Variants in PDS5B observed in about 807,000 individuals in gnomAD.
PDS5B encodes sister chromatid cohesion protein PDS5 homolog B.
Under a neutral mutation model 184.1 loss-of-function variants are expected in PDS5B, and 51 were observed. The ratio of observed to expected loss-of-function variants is 0.28; its 90% CI spans 0.22 to 0.35. PDS5B has a LOEUF of 0.35. PDS5B is among the 10% of genes least tolerant of loss of function. The pLI, the probability that PDS5B is intolerant of heterozygous loss-of-function variation, is 1.00. For synonymous variants in PDS5B, 566 were observed against 569.2 expected (o/e 0.99, Z 0.08); for missense variants, 1,180 against 1,723.3 (o/e 0.68, Z 5.58).
chr13:32,705,139 T>G (rs539011596), intron 17 of PDS5B, among the ~76,000 whole-genome samples: 3 of 152,324 alleles, frequency 2.0e-5, no homozygotes, highest in Admixed American at 2.0e-4. Context: ...TTTTTTGTAG[T>G]CCATCTTGTT....
chr13:32,719,728 A>G (rs972489120), intron 19 of PDS5B, among the ~76,000 whole-genome samples: 2 of 152,154 alleles, frequency 1.3e-5, no homozygotes, highest in Non-Finnish European at 2.9e-5. Flanking sequence ...TATGCTGGAA[A>G]ACTATTTTCA....
chr13:32,641,216 A>T (rs1025297021), intron 1 of PDS5B, among the ~76,000 whole-genome samples: 5 of 152,158 alleles, frequency 3.3e-5, no homozygotes, highest in Admixed American at 6.5e-5. Flanking sequence ...TTCCCCAAAG[A>T]TGAAAGGAAC....
At chr13:32,773,491 C>T (rs551297090) in intron 34 of PDS5B, among the ~76,000 whole-genome samples, 167 bp downstream of exon 34, 5 of 152,124 alleles carry the variant, frequency 3.3e-5, no homozygotes, top group Admixed American at 2.0e-4. Context: ...TATGGAAACC[C>T]GAAACTAAGC....
intron 11 of PDS5B, among the ~76,000 whole-genome samples, chr13:32,684,891 A>G (rs1243523601): frequency 1.3e-5 from 2 of 152,198 alleles, no homozygotes; most frequent in African/African-American, 4.8e-5. Flanking sequence ...AGACGGGTAG[A>G]TCATGAGGTC....
chr13:32,737,854 T>C (rs902421959), intron 21 of PDS5B, among the ~76,000 whole-genome samples: 8 of 152,214 alleles, frequency 5.3e-5, no homozygotes, highest in African/African-American at 1.9e-4. Context: ...CAATCCTTTC[T>C]ACTTCCTCCT....
intron 19 of PDS5B, 91 bp downstream of exon 19, chr13:32,710,197 G>A (rs537484134): frequency 3.9e-5 from 35 of 888,972 alleles, no homozygotes; most frequent in Non-Finnish European, 5.1e-5. Flanking sequence ...TTCAAGTTTT[G>A]AGGAAAAACT....
chr13:32,587,039 G>C (rs1257699010), intron 1 of PDS5B, among the ~76,000 whole-genome samples: 4 of 144,972 alleles, frequency 2.8e-5, no homozygotes, highest in African/African-American at 9.9e-5. Flanking sequence ...CGCCCCGGCC[G>C]GCCGGCGGCT....
Position 32,755,918 on chromosome 13 carries a change from C to T in PDS5B, c.3018C>T (p.Val1006=), listed in dbSNP as rs960396708. Residue 1006 remains valine, a synonymous_variant, in exon 26 of 35, where the codon GTC becomes GTT. Transcript: ENST00000315596. ...TTTTGGCACATGACCCAGATTATGT[C>T]AAAGTACAGGATATTGAACAACTTA... ...IHLLAHDPDY[V]KVQDIEQLKD... The T allele has an allele frequency of 4.4e-6, 7 of 1,579,172 alleles. No individual in the cohort carries two copies. Among genetic ancestry groups the T allele is most frequent in the Non-Finnish European group, 6.1e-6 (7 of 1,152,796 alleles).
chr13:32,679,500 A>T (rs1951170910), intron 10 of PDS5B, among the ~76,000 whole-genome samples: 1 of 152,032 alleles, frequency 6.6e-6, no homozygotes, highest in African/African-American at 2.4e-5. Context: ...GCTGGGTGTG[A>T]TGGCATGCGC....
intron 1 of PDS5B, among the ~76,000 whole-genome samples, chr13:32,634,583 C>CT (rs34358183): frequency 0.36 from 49,362 of 138,432 alleles, 9,264 homozygotes; most frequent in Non-Finnish European, 0.43. Flanking sequence ...TTACATTTAA[C>CT]TTTTTTTTTT....
intron 1 of PDS5B, among the ~76,000 whole-genome samples, chr13:32,638,622 A>T (rs184674050): frequency 3.3e-5 from 5 of 149,464 alleles, no homozygotes; most frequent in African/African-American, 1.2e-4. Context: ...AATGCCTTCC[A>T]TCCATCCAAT....
chr13:32,746,460 C>T (rs1038733822), intron 24 of PDS5B, among the ~76,000 whole-genome samples: 1 of 152,150 alleles, frequency 6.6e-6, no homozygotes, highest in African/African-American at 2.4e-5. Flanking sequence ...ATGTATGTTT[C>T]TGTTTAAAGA....
intron 3 of PDS5B, among the ~76,000 whole-genome samples, chr13:32,656,319 G>T: frequency 7.1e-6 from 1 of 140,168 alleles, no homozygotes. Context: ...GCTGTTTGGG[G>T]TCCCTTTTGA....
intron 1 of PDS5B, among the ~76,000 whole-genome samples, chr13:32,612,449 G>A (rs1000354626): frequency 4.6e-5 from 7 of 151,994 alleles, no homozygotes; most frequent in Admixed American, 2.0e-4. Flanking sequence ...TGAACAGCTC[G>A]GTGGTTTAGT....
Position 32,665,588 on chromosome 13 carries a change from C to CAAAAAAAAAAA in PDS5B, c.625-2160_625-2150dup, listed in dbSNP as rs34604938. ...TGGGCGACAGAGCGAGACTCCGACT[C>CAAAAAAAAAAA]AAAAAAAAAAAAAAAAAAAAAAAAA... On this transcript the variant is annotated intron_variant, in intron 6 of 34. Coordinates refer to ENST00000315596, the MANE Select transcript of PDS5B (RefSeq NM_015032.4). 1.5e-3 allele frequency among the ~76,000 whole-genome samples: 40 copies of CAAAAAAAAAAA among 25,880 alleles called. 2 individuals carry two copies. The highest frequency in any genetic ancestry group is 3.3e-3 in the Admixed American group (5 of 1,528). The allele number at this position is 25,880 out of a possible 152,430, so 17.0% of individuals were successfully genotyped here. A position where few individuals can be genotyped will look rare whatever the true frequency, so the allele number is the denominator to read the frequency against.
chr13:32,727,988 TTC>T (rs1274271736), intron 19 of PDS5B, among the ~76,000 whole-genome samples: 2 of 151,990 alleles, frequency 1.3e-5, no homozygotes, highest in African/African-American at 2.4e-5. Flanking sequence ...TTGCCCTTTT[TTC>T]TCTCTCATTT....
intron 2 of PDS5B, chr13:32,650,331 T>C (rs1232102102): frequency 1.3e-5 from 2 of 152,230 alleles, no homozygotes; most frequent in Non-Finnish European, 2.9e-5. Flanking sequence ...TTTTTTCTCA[T>C]TTATTTTCCT....
chr13:32,671,700 C>T (rs1300588897), intron 7 of PDS5B, among the ~76,000 whole-genome samples: 1 of 152,112 alleles, frequency 6.6e-6, no homozygotes, highest in Non-Finnish European at 1.5e-5. Context: ...CACATAAAAA[C>T]AACCCAAGAA....
At chr13:32,712,972 A>G (rs1225570749) in intron 19 of PDS5B, among the ~76,000 whole-genome samples, 2 of 152,198 alleles carry the variant, frequency 1.3e-5, no homozygotes, top group Admixed American at 6.5e-5. Context: ...GATGAGTTAT[A>G]TGAGTTCCAT....
Sources: allele counts gnomAD v4.1 joint callset (sites outside exome capture counted in the v4.1 genomes callset), GRCh38; gene constraint gnomAD v4.1.1; transcripts MANE v1.5; gene names NCBI Gene and HGNC (gene_info 2026-07-23, HGNC 2026-07-21).